Variants in ITFG1 observed in about 807,000 individuals in gnomAD.
ITFG1 encodes integrin alpha FG-GAP repeat containing 1, also known as T-cell immunomodulatory protein.
Under a neutral mutation model 81.8 loss-of-function variants are expected in ITFG1, and 34 were observed. That is an observed-to-expected ratio of 0.42 (90% CI 0.32 to 0.55). The LOEUF (loss-of-function observed/expected upper bound fraction) is 0.55, where lower values mean the gene tolerates loss of function less well. Among genes scored for constraint, ITFG1 ranks in the 20% least tolerant of loss-of-function variants. The pLI, the probability that ITFG1 is intolerant of heterozygous loss-of-function variation, is 0.17. For missense variants in ITFG1, 672 were observed against 755.4 expected, an observed-to-expected ratio of 0.89 and a Z score of 1.29; for synonymous variants, 285 against 270.6, an observed-to-expected ratio of 1.05 and a Z score of -0.52.
intron 8 of ITFG1, among the ~76,000 whole-genome samples, chr16:47,316,814 G>A (rs535643491): frequency 1.1e-3 from 166 of 152,320 alleles, no homozygotes; most frequent in South Asian, 2.5e-3. Flanking sequence ...AAGGCTAGGA[G>A]CTAGAATTAC....
At chr16:47,426,875 C>T (rs550677104) in intron 6 of ITFG1, among the ~76,000 whole-genome samples, 1 of 152,270 alleles carries the variant, frequency 6.6e-6, no homozygotes, top group Non-Finnish European at 1.5e-5. Context: ...AGTTTTATTA[C>T]ATCTCACAGC....
intron 7 of ITFG1, among the ~76,000 whole-genome samples, chr16:47,374,339 G>T (rs1390447726): frequency 1.3e-5 from 2 of 152,058 alleles, no homozygotes; most frequent in African/African-American, 4.8e-5. Context: ...TTTCTTTAAA[G>T]AAAACAATAA....
At chr16:47,167,320 A>G (rs1397814083) in intron 14 of ITFG1, among the ~76,000 whole-genome samples, 1 of 152,230 alleles carries the variant, frequency 6.6e-6, no homozygotes, top group African/African-American at 2.4e-5. Flanking sequence ...ATACGCCCAG[A>G]TGGCCTGAAG....
intron 6 of ITFG1, among the ~76,000 whole-genome samples, chr16:47,379,354 A>G (rs1968366260): frequency 1.3e-5 from 2 of 152,102 alleles, no homozygotes; most frequent in South Asian, 4.1e-4. Flanking sequence ...CCAACCAACA[A>G]TAGTTGATAC....
intron 5 of ITFG1, among the ~76,000 whole-genome samples, chr16:47,434,401 ATACTTCT>A (rs1969138871): frequency 6.6e-6 from 1 of 152,096 alleles, no homozygotes; most frequent in Non-Finnish European, 1.5e-5. Context: ...ATGTGAACAG[ATACTTCT>A]CAAAAGATGA....
intron 6 of ITFG1, among the ~76,000 whole-genome samples, chr16:47,417,821 T>G (rs890736824): frequency 6.6e-6 from 1 of 152,146 alleles, no homozygotes; most frequent in East Asian, 1.9e-4. Flanking sequence ...CTATTTTGAG[T>G]ACTATTGCAA....
At chr16:47,222,413 CTTTTTTT>C (rs1043034196) in intron 13 of ITFG1, among the ~76,000 whole-genome samples, 141 of 130,920 alleles carry the variant, frequency 1.1e-3, no homozygotes, top group Non-Finnish European at 1.9e-3. Context: ...GAGTTTCTTT[CTTTTTTT>C]TTTTTTTTTT....
intron 14 of ITFG1, among the ~76,000 whole-genome samples, chr16:47,207,871 G>A (rs1965520774): frequency 7.3e-6 from 1 of 136,330 alleles, no homozygotes; most frequent in Non-Finnish European, 1.5e-5. Flanking sequence ...ACTCAGCCAA[G>A]AACTGTACCA....
intron 10 of ITFG1, among the ~76,000 whole-genome samples, chr16:47,303,297 T>C (rs1967106523): frequency 6.6e-6 from 1 of 152,010 alleles, no homozygotes; most frequent in Non-Finnish European, 1.5e-5. Flanking sequence ...ATAATGCTGA[T>C]TTATATTTTC....
chr16:47,319,346 T>G (rs1160085601), intron 8 of ITFG1, among the ~76,000 whole-genome samples: 1 of 152,222 alleles, frequency 6.6e-6, no homozygotes, highest in Non-Finnish European at 1.5e-5. Context: ...GTTGTTTTCT[T>G]GATGTGACAA....
At chr16:47,451,322 C>G in intron 5 of ITFG1, 74 bp downstream of exon 5, 2 of 773,024 alleles carry the variant, frequency 2.6e-6, no homozygotes, top group African/African-American at 1.8e-5. Context: ...TTCCAATGAG[C>G]TATTTTTTCT....
intron 13 of ITFG1, among the ~76,000 whole-genome samples, chr16:47,229,331 A>G (rs988900445): frequency 1.3e-5 from 2 of 152,186 alleles, no homozygotes; most frequent in African/African-American, 4.8e-5. Flanking sequence ...AAGGTGAAGA[A>G]GAGAAGGCTT....
At chr16:47,241,059 T>C (rs1284889145) in intron 12 of ITFG1, among the ~76,000 whole-genome samples, 1 of 148,204 alleles carries the variant, frequency 6.7e-6, no homozygotes. Flanking sequence ...TAAATCATGG[T>C]TAAGATGGTA....
At chr16:47,286,619 G>A (rs1000118745) in intron 10 of ITFG1, among the ~76,000 whole-genome samples, 5 of 151,112 alleles carry the variant, frequency 3.3e-5, no homozygotes, top group Admixed American at 6.6e-5. Flanking sequence ...CAGCCTGGGC[G>A]ACAAGAGTGA....
intron 8 of ITFG1, among the ~76,000 whole-genome samples, chr16:47,322,338 T>G (rs1006337373): frequency 1.3e-5 from 2 of 152,170 alleles, no homozygotes; most frequent in Non-Finnish European, 2.9e-5. Context: ...AAAACAATTA[T>G]TAATTTTTAA....
chr16:47,360,274 T>C (rs1258732772), intron 8 of ITFG1, among the ~76,000 whole-genome samples: 1 of 152,210 alleles, frequency 6.6e-6, no homozygotes, highest in Non-Finnish European at 1.5e-5. Flanking sequence ...ATGTACTCTG[T>C]ATTTACTTGA....
intron 8 of ITFG1, among the ~76,000 whole-genome samples, chr16:47,357,094 G>A (rs1295004504): frequency 6.6e-6 from 1 of 151,892 alleles, no homozygotes; most frequent in Non-Finnish European, 1.5e-5. Flanking sequence ...TTCATGGGGT[G>A]CTCCATTTAT....
chr16:47,163,952 CAT>C (rs372280201), intron 14 of ITFG1, among the ~76,000 whole-genome samples: 7,825 of 130,262 alleles, frequency 0.06, 552 homozygotes, highest in African/African-American at 0.2. Flanking sequence ...CACACACACA[CAT>C]ACACACACAC....
chr16:47,163,289 G>A (rs1377515038), intron 14 of ITFG1, among the ~76,000 whole-genome samples: 2 of 152,172 alleles, frequency 1.3e-5, no homozygotes, highest in Non-Finnish European at 2.9e-5. Flanking sequence ...GAGAAGCCAT[G>A]TCTGTTTCCA....
Sources: allele counts gnomAD v4.1 joint callset (sites outside exome capture counted in the v4.1 genomes callset), GRCh38; gene constraint gnomAD v4.1.1; transcripts MANE v1.5; gene names NCBI Gene and HGNC (gene_info 2026-07-23, HGNC 2026-07-21).